Variants in TIAM1 observed in about 807,000 individuals in gnomAD.
TIAM1 encodes the protein TIAM Rac1 associated GEF 1.
A neutral mutation model predicts 163.5 loss-of-function variants in TIAM1; 65 were observed. That is an observed-to-expected ratio of 0.40 (90% CI 0.33 to 0.49). The LOEUF is 0.49. TIAM1 is among the 20% of genes least tolerant of loss of function. The probability of loss-of-function intolerance (pLI) is 0.77; values close to 1 mark genes in which losing one functional copy is unlikely to be tolerated. For synonymous variants in TIAM1, 833 were observed against 810.1 expected, an observed-to-expected ratio of 1.03 and a Z score of -0.48; for missense variants, 1,789 against 2,044.7, an observed-to-expected ratio of 0.87 and a Z score of 2.41.
rs535616031 is a variant in TIAM1 at position 31,182,411 on chromosome 21, A to T, written c.2887+10T>A. On this transcript the variant is annotated intron_variant, in intron 15 of 27. Transcript: ENST00000541036. The stretch of plus-strand genomic sequence containing the variant: ...TTCAGACTCGCCCCCAGCACCCTGC[A>T]CAGCCATACCTGGGTTGCTGGTGAG... 1 of 1,540,054 alleles carries T rather than the reference A, an allele frequency of 6.5e-7. No individual in the cohort carries two copies. Among genetic ancestry groups the T allele is most frequent in the Non-Finnish European group, 8.7e-7 (1 of 1,146,484 alleles).
chr21:31,316,109 CTGTAT>C (rs1264320261), intron 2 of TIAM1, among the ~76,000 whole-genome samples: 5 of 152,148 alleles, frequency 3.3e-5, no homozygotes, highest in Non-Finnish European at 7.3e-5. Context: ...GGGTGATCCA[CTGTAT>C]TAAGATTCTG....
chr21:31,164,217 T>C (rs940797931), intron 16 of TIAM1, among the ~76,000 whole-genome samples: 33 of 152,108 alleles, frequency 2.2e-4, no homozygotes, highest in East Asian at 5.8e-4. Flanking sequence ...GGTGAAACCC[T>C]GTCTCTACTA....
At chr21:31,482,179 T>A (rs2046134647) in intron 1 of TIAM1, among the ~76,000 whole-genome samples, 1 of 151,318 alleles carries the variant, frequency 6.6e-6, no homozygotes, top group Non-Finnish European at 1.5e-5. Flanking sequence ...TGAGTCGGAA[T>A]CTTGCTCTGT....
At chr21:31,372,185 C>A (rs2076607334) in intron 2 of TIAM1, among the ~76,000 whole-genome samples, 1 of 152,104 alleles carries the variant, frequency 6.6e-6, no homozygotes, top group Non-Finnish European at 1.5e-5. Context: ...TTTAAGTTAG[C>A]AACTCTTTTC....
intron 2 of TIAM1, among the ~76,000 whole-genome samples, chr21:31,442,472 A>T (rs1489286096): frequency 6.6e-6 from 1 of 152,044 alleles, no homozygotes; most frequent in Non-Finnish European, 1.5e-5. Context: ...ACTTCAAGTT[A>T]TCTGCCTGCC....
intron 11 of TIAM1, among the ~76,000 whole-genome samples, chr21:31,206,195 G>C (rs2086443037): frequency 6.6e-6 from 1 of 152,154 alleles, no homozygotes; most frequent in African/African-American, 2.4e-5. Context: ...ATATATACCA[G>C]TGTGTCTTAC....
intron 2 of TIAM1, among the ~76,000 whole-genome samples, chr21:31,440,717 C>T (rs1219644494): frequency 6.6e-6 from 1 of 152,078 alleles, no homozygotes; most frequent in Non-Finnish European, 1.5e-5. Context: ...CCCGTCTCTA[C>T]TAAAAATACA....
chr21:31,145,567 T>G (rs2083070391), intron 20 of TIAM1, among the ~76,000 whole-genome samples: 1 of 152,204 alleles, frequency 6.6e-6, no homozygotes, highest in African/African-American at 2.4e-5. Flanking sequence ...AACCACTTTC[T>G]GGAGACTCTC....
intron 2 of TIAM1, among the ~76,000 whole-genome samples, chr21:31,417,180 G>A (rs1261791115): frequency 1.3e-5 from 2 of 152,202 alleles, no homozygotes; most frequent in East Asian, 3.9e-4. Context: ...GCGCCACCAC[G>A]TCTGGCTAAT....
At chr21:31,268,891 A>C (rs1425666901) in intron 3 of TIAM1, among the ~76,000 whole-genome samples, 1 of 152,176 alleles carries the variant, frequency 6.6e-6, no homozygotes, top group Non-Finnish European at 1.5e-5. Context: ...ATATTAAGAT[A>C]CCTGGATGTG....
intron 11 of TIAM1, among the ~76,000 whole-genome samples, chr21:31,208,953 A>AT (rs11377256): frequency 0.081 from 11,870 of 147,394 alleles, 1,410 homozygotes; most frequent in African/African-American, 0.27. Flanking sequence ...AAAGTTTTTC[A>AT]TTTTTTTTTT....
intron 6 of TIAM1, among the ~76,000 whole-genome samples, chr21:31,230,077 G>A (rs768294717): frequency 2.0e-5 from 3 of 152,150 alleles, no homozygotes; most frequent in Non-Finnish European, 2.9e-5. Flanking sequence ...GCTCAGGGGC[G>A]GTCCACATCC....
chr21:31,142,672 A>G (rs1332340696), intron 20 of TIAM1, among the ~76,000 whole-genome samples: 2 of 151,460 alleles, frequency 1.3e-5, no homozygotes, highest in Non-Finnish European at 2.9e-5. Flanking sequence ...AAAGAAAAAG[A>G]AAAAAAAGGC....
chr21:31,466,504 C>G (rs943032171), intron 1 of TIAM1, among the ~76,000 whole-genome samples: 8 of 152,076 alleles, frequency 5.3e-5, no homozygotes, highest in Non-Finnish European at 1.2e-4. Context: ...GGTGGGCTAA[C>G]GGCCTAGCTG....
intron 1 of TIAM1, among the ~76,000 whole-genome samples, chr21:31,537,535 C>A (rs1329897721): frequency 6.6e-6 from 1 of 151,622 alleles, no homozygotes; most frequent in Non-Finnish European, 1.5e-5. Flanking sequence ...GTGGATCGCT[C>A]GAGGCCAGGA....
chr21:31,436,990 T>C (rs2044231855), intron 2 of TIAM1, among the ~76,000 whole-genome samples: 1 of 151,992 alleles, frequency 6.6e-6, no homozygotes, highest in East Asian at 1.9e-4. Flanking sequence ...AACGATACAA[T>C]ATAAAACCTT....
chr21:31,367,104 A>C (rs1215165447), intron 2 of TIAM1, among the ~76,000 whole-genome samples: 1 of 142,712 alleles, frequency 7.0e-6, no homozygotes, highest in Non-Finnish European at 1.5e-5. Flanking sequence ...CCAGGCAGGC[A>C]GGTAAGCAGG....
At chr21:31,531,459 A>G (rs1013806050) in intron 1 of TIAM1, among the ~76,000 whole-genome samples, 4 of 152,192 alleles carry the variant, frequency 2.6e-5, no homozygotes, top group Admixed American at 2.6e-4. Context: ...CCTGGTAAGC[A>G]AGGCATTAGT....
At chr21:31,423,179 A>T (rs1438453699) in intron 2 of TIAM1, among the ~76,000 whole-genome samples, 2 of 142,000 alleles carry the variant, frequency 1.4e-5, no homozygotes, top group East Asian at 4.2e-4. Context: ...GCTCACTGCA[A>T]GCTCCGCCTC....
Sources: gnomAD v4.1 joint callset for allele counts (sites outside exome capture counted in the v4.1 genomes callset) on GRCh38, gnomAD v4.1.1 for gene constraint, MANE v1.5 for transcripts, NCBI Gene and HGNC (gene_info 2026-07-23, HGNC 2026-07-21) for gene names.